TUBGCP3: variants seen among roughly 807,000 people sequenced by gnomAD.
The protein encoded by TUBGCP3 is tubulin gamma complex component 3, also known as gamma-tubulin complex component 3.
TUBGCP3 carries 50 observed loss-of-function variants against 123.1 expected under a neutral mutation model. The observed-to-expected ratio is 0.41, with a 90% CI of 0.32 to 0.51. TUBGCP3 has a LOEUF of 0.51. Among genes scored for constraint, TUBGCP3 ranks in the 20% least tolerant of loss-of-function variants. The pLI is 0.36. For missense variants in TUBGCP3, 882 were observed against 1,127.0 expected (o/e 0.78, Z 3.11); for synonymous variants, 405 against 413.9 (o/e 0.98, Z 0.26).
At chr13:112,601,319 T>C in the TUBGCP3 span, among the ~76,000 whole-genome samples, 1 of 152,324 alleles carries the variant, frequency 6.6e-6, no homozygotes. Context: ...CGTCCTCATA[T>C]GGCCCATTTA....
At chr13:112,522,206 T>A (rs964262923) in intron 14 of TUBGCP3, 114 bp downstream of exon 14, 1 of 999,946 alleles carries the variant, frequency 1.0e-6, no homozygotes, top group Non-Finnish European at 1.4e-6. Context: ...TTTTAAAAAG[T>A]ATGCTCGAAG....
At chr13:112,576,702 AAATGAATTG>A (rs1881840516) in intron 1 of TUBGCP3, among the ~76,000 whole-genome samples, 1 of 152,230 alleles carries the variant, frequency 6.6e-6, no homozygotes, top group Non-Finnish European at 1.5e-5. Context: ...GAAAATCAGA[AAATGAATTG>A]AATGAAAATA....
chr13:112,486,083 G>A lies in TUBGCP3; in HGVS notation c.2634C>T (p.Phe878=), dbSNP rs780612195. 6.8e-6 allele frequency: 11 copies of A among 1,610,270 alleles called. No individual in the cohort carries two copies. The highest frequency in any genetic ancestry group is 1.6e-4 in the Middle Eastern group (1 of 6,074). The change falls in exon 22 of 22, where the codon TTC becomes TTT. Residue 878 remains phenylalanine (F), a synonymous_variant. Transcript: ENST00000261965. Reference sequence around the variant, plus strand: ...TGTAATGCTCGTTGAAGTCCAGCCTGAAGCTAAGAAACCGAAGACTCTCGT... The same window carrying A: ...TGTAATGCTCGTTGAAGTCCAGCCTAAAGCTAAGAAACCGAAGACTCTCGT... ...SSDESLRFLS[F]RLDFNEHYKA...
At chr13:112,547,461 G>A (rs1879108254) in intron 10 of TUBGCP3, 159 bp downstream of exon 10, 1 of 1,217,426 alleles carries the variant, frequency 8.2e-7, no homozygotes. Context: ...AGCCTGGATG[G>A]CGCACCCTAC....
rs1029414829 is a variant in TUBGCP3 at position 112,511,999 on chromosome 13, A to G, written c.2086+4441T>C. Among the ~76,000 whole-genome samples, 2 of 152,248 alleles carry G rather than the reference A, an allele frequency of 1.3e-5. No individual in the cohort carries two copies. The highest frequency in any genetic ancestry group is 4.8e-5 in the African/African-American group (2 of 41,466). On this transcript the variant is annotated intron_variant, in intron 17 of 21. Coordinates refer to ENST00000261965, the MANE Select transcript of TUBGCP3 (RefSeq NM_006322.6). This position sits in a 1 kb window ranked among gnomAD's most constrained non-coding sequence, Gnocchi z 4.1. ...ATTTCATTCAGTGGGATTAGAAAAG[A>G]TAAAGGAAAACCTGTAACTTATTAT...
chr13:112,529,284 A>G (rs1877379641), intron 11 of TUBGCP3, among the ~76,000 whole-genome samples: 1 of 152,220 alleles, frequency 6.6e-6, no homozygotes, highest in African/African-American at 2.4e-5. Flanking sequence ...CATTTAATGA[A>G]TACACCATCC....
Position 112,516,567 on chromosome 13 carries a change from A to G in TUBGCP3, c.1959T>C (p.Thr653=), listed in dbSNP as rs1458798493. Residue 653 remains threonine, a synonymous_variant, in exon 17 of 22, where the codon ACT becomes ACC. Transcript: ENST00000261965. ...HVDGPIATVF[T]RECMSHYLRV... The stretch of plus-strand genomic sequence containing the variant: ...TTAGGTAGTGGCTCATACATTCTCG[A>G]GTAAACACCTGGGATAACAGCAGAA... 3.1e-6 allele frequency: 5 copies of G among 1,613,292 alleles called. No homozygotes were observed. The highest frequency in any genetic ancestry group is 4.2e-6 in the Non-Finnish European group (5 of 1,179,704).
intron 11 of TUBGCP3, among the ~76,000 whole-genome samples, chr13:112,538,646 AAT>A (rs1270889141): frequency 1.3e-5 from 2 of 152,158 alleles, no homozygotes; most frequent in African/African-American, 4.8e-5. Flanking sequence ...TCTTTTTTAC[AAT>A]TTCTATCTCT....
At position 112,527,434 on chromosome 13, in the gene TUBGCP3, G is replaced by A. The variant is rs769499135; in HGVS notation, c.1386C>T (p.Asp462=). The change falls in exon 12 of 22, where the codon GAC becomes GAT. Residue 462 remains aspartate (D), a synonymous_variant. Coordinates refer to ENST00000261965, the MANE Select transcript of TUBGCP3 (RefSeq NM_006322.6). The part of the protein sequence containing the change: ...PTVKTDRLWH[D]KYTLRKSMIP... Reference sequence around the variant, plus strand: ...TCATCGATTTCCTCAAAGTATACTTGTCGTGCCACAGTCGATCTGTTTTAA... The same window carrying A: ...TCATCGATTTCCTCAAAGTATACTTATCGTGCCACAGTCGATCTGTTTTAA... 5.0e-6 allele frequency: 8 copies of A among 1,609,614 alleles called. No homozygotes were observed. In the Admixed American group the frequency reaches 1.4e-4, roughly 27 times the overall value.
Position 112,584,282 on chromosome 13 carries a change from C to A in TUBGCP3, c.76+3623G>T, listed in dbSNP as rs916204145. Reference sequence around the variant, plus strand: ...TTTTGTTTATGTAGGTTATATCTATCCACAGTTACCATATTAGAAATTTAA... The same window carrying A: ...TTTTGTTTATGTAGGTTATATCTATACACAGTTACCATATTAGAAATTTAA... On this transcript the variant is annotated intron_variant, in intron 1 of 21. Coordinates refer to ENST00000261965, the MANE Select transcript of TUBGCP3 (RefSeq NM_006322.6). 5.9e-5 allele frequency: 9 copies of A among 152,178 alleles called. No individual in the cohort carries two copies. The East Asian group carries it at 1.7e-3, about 29-fold the overall frequency. The allele number at this position is 152,178 out of a possible 1,614,324, so 9.4% of individuals were successfully genotyped here.
rs757343703 is a variant in TUBGCP3 at position 112,558,210 on chromosome 13, T to C, written c.534A>G (p.Gln178=). 6.2e-7 allele frequency: 1 copy of C among 1,610,574 alleles called. No homozygotes were observed. Among genetic ancestry groups the C allele is most frequent in the Non-Finnish European group, 8.5e-7 (1 of 1,178,868 alleles). ...CALSGPAPAP[Q]SLLPGQSNQA... ...TGTGGCCTTACCCTGGGAGGAGAGA[T>C]TGTGGCGCAGGCGCGGGGCCACTGA... The change falls in exon 5 of 22, where the codon CAA becomes CAG. Residue 178 remains glutamine, a synonymous_variant. Coordinates refer to ENST00000261965, the MANE Select transcript of TUBGCP3 (RefSeq NM_006322.6).
intron 19 of TUBGCP3, among the ~76,000 whole-genome samples, chr13:112,502,632 G>A (rs544940744): frequency 6.3e-5 from 9 of 141,750 alleles, no homozygotes; most frequent in South Asian, 2.3e-4. Context: ...TGCAAGCTCC[G>A]CCTCCCGGGT....
intron 20 of TUBGCP3, chr13:112,489,952 T>C (rs1317600029): frequency 2.0e-6 from 1 of 512,518 alleles, no homozygotes; most frequent in East Asian, 3.2e-5. Context: ...TCACATTGTA[T>C]AACATGTAAC....
intron 17 of TUBGCP3, among the ~76,000 whole-genome samples, chr13:112,506,639 TG>T (rs1418633497): frequency 1.3e-5 from 2 of 152,186 alleles, no homozygotes; most frequent in East Asian, 3.9e-4. Context: ...CACACAGATA[TG>T]GTCAATGTGC....
chr13:112,551,386 A>C (rs1879578866), intron 8 of TUBGCP3, among the ~76,000 whole-genome samples: 1 of 152,276 alleles, frequency 6.6e-6, no homozygotes, highest in African/African-American at 2.4e-5. Context: ...TGGTATGTCT[A>C]GAGCCAGGAC....
rs1211729693 is a variant in TUBGCP3, at chr13:112,554,907, A to G, written c.820T>C (p.Cys274Arg). 6.2e-7 allele frequency: 1 copy of G among 1,609,034 alleles called. No homozygotes were observed. The highest frequency in any genetic ancestry group is 1.3e-5 in the African/African-American group (1 of 74,616). ...KNIKMNNTEN[C>R]YKVEGKANLS... ...TGTACCTTTCCTTCTACTTTGTAAC[A>G]ATTTTCAGTGTTGTTCATTTTGATG... Residue 274 changes from cysteine to arginine, a missense_variant, in exon 7 of 22, where the codon TGT (cysteine) becomes CGT (arginine). By Grantham distance (180) the Cys-to-Arg change is radical. Around this residue, in one of 3 missense-constraint regions of TUBGCP3, gnomAD observed 713 missense variants for 874.0 expected, o/e 0.82. Transcript: ENST00000261965.
At chr13:112,599,689 A>AT in the TUBGCP3 span, among the ~76,000 whole-genome samples, 76 of 143,588 alleles carry the variant, frequency 5.3e-4, 1 homozygote, top group African/African-American at 1.1e-3. Flanking sequence ...TTTATTTTTT[A>AT]TTTTTTTTTT....
At chr13:112,529,847 C>G (rs1270869230) in intron 11 of TUBGCP3, among the ~76,000 whole-genome samples, 1 of 152,178 alleles carries the variant, frequency 6.6e-6, no homozygotes, top group Non-Finnish European at 1.5e-5. Flanking sequence ...CGTATCACAC[C>G]CAAAGTGCCT....
Position 112,522,508 on chromosome 13 carries a change from A to G in TUBGCP3, c.1557T>C (p.Ala519=). ...VTKSAESPQD[A]ADLFTDLENA... ...TTTCCAAGTCTGTGAATAGGTCTGC[A>G]GCTGTAAAGAACAACAGGGAAGAGC... is the stretch of plus-strand genomic sequence containing the variant. The change falls in exon 14 of 22, where the codon GCT becomes GCC. Residue 519 remains alanine, a splice_region_variant and synonymous_variant. Coordinates refer to ENST00000261965, the MANE Select transcript of TUBGCP3 (RefSeq NM_006322.6). 6.2e-7 allele frequency: 1 copy of G among 1,610,654 alleles called. No individual in the cohort carries two copies. Among genetic ancestry groups the G allele is most frequent in the African/African-American group, 1.3e-5 (1 of 75,016 alleles).
Sources: gnomAD v4.1 joint callset for allele counts (sites outside exome capture counted in the v4.1 genomes callset) on GRCh38, gnomAD v4.1.1 for gene constraint, gnomAD v4.1.1 regional missense constraint, Gnocchi (gnomAD v3.1) non-coding constraint, MANE v1.5 for transcripts, NCBI Gene and HGNC (gene_info 2026-07-23, HGNC 2026-07-21) for gene names.